BEAN1: variants seen among roughly 807,000 people sequenced by gnomAD.
BEAN1 encodes protein BEAN1.
In BEAN1, 17 loss-of-function variants were observed where a neutral mutation model predicts 17.7. The ratio of observed to expected loss-of-function variants is 0.96; its 90% CI spans 0.66 to 1.44. The LOEUF (loss-of-function observed/expected upper bound fraction) is 1.44. BEAN1 is among the 40% of genes most tolerant of loss of function. The pLI, the probability that BEAN1 is intolerant of heterozygous loss-of-function variation, is 0.00. For missense variants in BEAN1, 359 were observed against 374.1 expected (o/e 0.96, Z 0.33); for synonymous variants, 142 against 151.8 (o/e 0.94, Z 0.47).
rs1963586217 is a variant in BEAN1, at chr16:66,473,857, C to G, written c.290-3703C>G. 6.6e-6 allele frequency among the ~76,000 whole-genome samples: 1 copy of G among 152,142 alleles called. No homozygotes were observed. The highest frequency in any genetic ancestry group is 6.5e-5 in the Admixed American group (1 of 15,278). On this transcript the variant is annotated intron_variant, in intron 3 of 4. Transcript: ENST00000536005. The surrounding 1 kb of genome is among the most constrained non-coding windows in gnomAD (Gnocchi z 4.5). ...CAAGCCCTCCTGGCCTCTCTCCCAC[C>G]CCTCTGGCTGCGGATTCCTCTCCTC... is the stretch of plus-strand genomic sequence containing the variant.
chr16:66,459,660 C>A (rs976152317), intron 2 of BEAN1, among the ~76,000 whole-genome samples: 1 of 152,124 alleles, frequency 6.6e-6, no homozygotes, highest in Non-Finnish European at 1.5e-5. Context: ...AGACCCCTCA[C>A]GGTATGGTCC....
intron 1 of BEAN1, among the ~76,000 whole-genome samples, chr16:66,431,472 T>C (rs1961796784): frequency 6.6e-6 from 1 of 152,234 alleles, no homozygotes; most frequent in Non-Finnish European, 1.5e-5. Context: ...TCATTAAAAA[T>C]GTAAAACGCA....
chr16:66,466,720 C>A (rs1372124439), intron 2 of BEAN1, among the ~76,000 whole-genome samples: 2 of 152,146 alleles, frequency 1.3e-5, no homozygotes, highest in African/African-American at 2.4e-5. Flanking sequence ...CACCCACCAC[C>A]ACGCCCGGGT....
downstream of BEAN1, chr16:66,483,078 T>C (rs1219981653): frequency 5.8e-5 from 20 of 347,736 alleles, no homozygotes; most frequent in South Asian, 4.4e-4. Context: ...CCCAGGCTAG[T>C]TGAAACTCCT....
intron 2 of BEAN1, among the ~76,000 whole-genome samples, chr16:66,452,182 C>G (rs930363490): frequency 5.3e-5 from 8 of 152,224 alleles, no homozygotes; most frequent in African/African-American, 1.7e-4. Context: ...AAAGAGGTAA[C>G]TGTCTTTTCC....
intron 4 of BEAN1, 97 bp downstream of exon 4, chr16:66,477,807 G>A (rs1963816999): frequency 7.6e-7 from 1 of 1,319,236 alleles, no homozygotes; most frequent in African/African-American, 1.5e-5. Context: ...ACCTCTGCAT[G>A]TCGTATAAAT....
chr16:66,456,099 G>A (rs1268357314), intron 2 of BEAN1, among the ~76,000 whole-genome samples: 1 of 152,214 alleles, frequency 6.6e-6, no homozygotes, highest in Non-Finnish European at 1.5e-5. Flanking sequence ...TGTGGCCTAG[G>A]AACACAGCTC....
At chr16:66,479,323 T>TG (rs780579209) in intron 4 of BEAN1, among the ~76,000 whole-genome samples, 3 of 151,994 alleles carry the variant, frequency 2.0e-5, no homozygotes. Flanking sequence ...ACAGATGCCC[T>TG]GGGGGTGCCT....
intron 2 of BEAN1, among the ~76,000 whole-genome samples, chr16:66,440,637 G>T (rs1430801301): frequency 6.6e-6 from 1 of 152,160 alleles, no homozygotes; most frequent in Non-Finnish European, 1.5e-5. Context: ...CGCCCTTCTC[G>T]CTGTGCATGC....
intron 2 of BEAN1, among the ~76,000 whole-genome samples, chr16:66,462,395 G>A (rs1046290036): frequency 6.6e-6 from 1 of 152,242 alleles, no homozygotes; most frequent in Non-Finnish European, 1.5e-5. Flanking sequence ...TGAAGAGACA[G>A]ACACAGAGCC....
At chr16:66,435,198 T>C (rs1462415910) in intron 1 of BEAN1, among the ~76,000 whole-genome samples, 2 of 152,122 alleles carry the variant, frequency 1.3e-5, no homozygotes. Flanking sequence ...GCAGCCGGTC[T>C]CTGGGGGTGT....
At position 66,468,072 on chromosome 16, in the gene BEAN1, A is replaced by G. The variant is rs1379485491; in HGVS notation, c.26-1530A>G. On this transcript the variant is annotated intron_variant, in intron 2 of 4. Transcript: ENST00000536005. ...TGGCCAGGCCCTCACCTGGGAAAAA[A>G]GCCCTCCTACAGCTACTCAGGCAGG... Among the ~76,000 whole-genome samples, 3 of 152,152 alleles carry G rather than the reference A, an allele frequency of 2.0e-5. No individual in the cohort carries two copies. In the East Asian group the frequency reaches 5.8e-4, roughly 29 times the overall value.
intron 3 of BEAN1, 36 bp downstream of exon 3, chr16:66,469,901 AT>A (rs1214437365): frequency 6.6e-7 from 1 of 1,524,656 alleles, no homozygotes; most frequent in African/African-American, 1.4e-5. Flanking sequence ...CTGGGACCTC[AT>A]CTGACTGGGA....
chr16:66,441,711 C>T (rs905636797), intron 2 of BEAN1, among the ~76,000 whole-genome samples: 4 of 152,176 alleles, frequency 2.6e-5, no homozygotes, highest in Admixed American at 6.5e-5. Context: ...CTATGCCCAC[C>T]AAGTGCAAGG....
chr16:66,457,760 T>A (rs1416461508), intron 2 of BEAN1, among the ~76,000 whole-genome samples: 1 of 150,714 alleles, frequency 6.6e-6, no homozygotes, highest in Admixed American at 6.6e-5. Flanking sequence ...AGGACAGATA[T>A]CAGCAAGTGA....
intron 4 of BEAN1, chr16:66,478,181 G>A (rs1375552241): frequency 6.5e-6 from 1 of 153,678 alleles, no homozygotes; most frequent in Non-Finnish European, 1.4e-5. Context: ...GTAAAGAGGG[G>A]ACAAGCCCAT....
At chr16:66,486,375 T>C (rs1476153076), downstream of BEAN1, among the ~76,000 whole-genome samples, 1 of 152,020 alleles carries the variant, frequency 6.6e-6, no homozygotes, top group Non-Finnish European at 1.5e-5. Context: ...ATTACGGGCA[T>C]TCTGAGTAGC....
intron 2 of BEAN1, among the ~76,000 whole-genome samples, chr16:66,446,442 A>C (rs560910484): frequency 2.2e-4 from 34 of 152,286 alleles, no homozygotes; most frequent in African/African-American, 8.2e-4. Context: ...GGGGGCTGTG[A>C]GTCAAGATGC....
chr16:66,469,608 G>T lies in BEAN1; in HGVS notation c.32G>T (p.Arg11Leu). ...CCTCTCTCTCTGTCCACAGTAGCAC[G>T]ATACAACCGCACCAGCTACTTCTAC... MSFKRPCPLA[R>L]YNRTSYFYPT... Residue 11 changes from arginine (R) to leucine (L), a missense_variant, in exon 3 of 5, where the codon CGA (arginine) becomes CTA (leucine). Physicochemically the swap from Arg to Leu is moderately radical, Grantham distance 102. Coordinates refer to ENST00000536005, the MANE Select transcript of BEAN1 (RefSeq NM_001178020.3). 1.3e-6 allele frequency: 2 copies of T among 1,535,874 alleles called. No homozygotes were observed. The highest frequency in any genetic ancestry group is 1.7e-6 in the Non-Finnish European group (2 of 1,146,718).
Sources: gnomAD v4.1 joint callset for allele counts (sites outside exome capture counted in the v4.1 genomes callset) on GRCh38, gnomAD v4.1.1 for gene constraint, Gnocchi (gnomAD v3.1) non-coding constraint, MANE v1.5 for transcripts, NCBI Gene and HGNC (gene_info 2026-07-23, HGNC 2026-07-21) for gene names.